SAMSN1: variants seen among roughly 807,000 people sequenced by gnomAD.
SAMSN1 encodes the protein SAM domain-containing protein SAMSN-1.
Under a neutral mutation model 42.0 loss-of-function variants are expected in SAMSN1, and 31 were observed. The observed-to-expected ratio is 0.74, with a 90% CI of 0.55 to 1.00. The LOEUF (loss-of-function observed/expected upper bound fraction) is 1.00, where lower values mean the gene tolerates loss of function less well. Among genes scored for constraint, SAMSN1 ranks in the 50% least tolerant of loss-of-function variants. The pLI is 0.00. For synonymous variants in SAMSN1, 178 were observed against 151.9 expected, an observed-to-expected ratio of 1.17 and a Z score of -1.26; for missense variants, 464 against 439.4, an observed-to-expected ratio of 1.06 and a Z score of -0.50.
At chr21:14,545,857 C>T (rs901757951) in intron 1 of SAMSN1, among the ~76,000 whole-genome samples, 6 of 152,214 alleles carry the variant, frequency 3.9e-5, no homozygotes, top group African/African-American at 1.2e-4. Flanking sequence ...GTTCAATAGA[C>T]GTTGACAATC....
intron 1 of SAMSN1, among the ~76,000 whole-genome samples, chr21:14,647,782 C>T (rs1404578213): frequency 1.3e-3 from 178 of 135,416 alleles, no homozygotes; most frequent in African/African-American, 4.3e-3. Context: ...ATTTGGCTCT[C>T]TGTTTGTCTG....
At chr21:14,496,923 A>T (rs947064908) in intron 7 of SAMSN1, among the ~76,000 whole-genome samples, 1 of 152,236 alleles carries the variant, frequency 6.6e-6, no homozygotes, top group Non-Finnish European at 1.5e-5. Context: ...AAGCCAGTGT[A>T]TAGGAAACGT....
intron 2 of SAMSN1, among the ~76,000 whole-genome samples, chr21:14,555,770 A>G (rs911652601): frequency 2.0e-5 from 3 of 152,232 alleles, no homozygotes; most frequent in Non-Finnish European, 4.4e-5. Context: ...TTTTAAACTT[A>G]GAATATTATT....
At chr21:14,555,638 T>A (rs1034407817) in intron 2 of SAMSN1, among the ~76,000 whole-genome samples, 14 of 152,172 alleles carry the variant, frequency 9.2e-5, no homozygotes, top group African/African-American at 3.4e-4. Context: ...CTCTCCACAT[T>A]TTCATATTCT....
At chr21:14,523,326 T>C (rs1202406710) in intron 1 of SAMSN1, 2 of 152,234 alleles carry the variant, frequency 1.3e-5, no homozygotes, top group Admixed American at 6.5e-5. Flanking sequence ...GCCCCAAGGA[T>C]GATAGCTGTG....
chr21:14,635,612 T>G (rs1215639369), intron 2 of SAMSN1, among the ~76,000 whole-genome samples: 2 of 152,184 alleles, frequency 1.3e-5, no homozygotes, highest in African/African-American at 2.4e-5. Context: ...GATTGCAAAT[T>G]ATTTTAAGCA....
intron 1 of SAMSN1, among the ~76,000 whole-genome samples, chr21:14,655,006 A>G (rs1215708183): frequency 6.6e-6 from 1 of 152,012 alleles, no homozygotes; most frequent in Non-Finnish European, 1.5e-5. Context: ...TGAAATTAAA[A>G]TCATAAAACA....
intron 4 of SAMSN1, among the ~76,000 whole-genome samples, chr21:14,511,835 T>G (rs1281005984): frequency 6.6e-6 from 1 of 152,220 alleles, no homozygotes; most frequent in Non-Finnish European, 1.5e-5. Flanking sequence ...TTTGGATCCC[T>G]TTTTGCCACC....
At chr21:14,517,906 C>T (rs538711810) in intron 2 of SAMSN1, among the ~76,000 whole-genome samples, 4 of 152,200 alleles carry the variant, frequency 2.6e-5, no homozygotes, top group South Asian at 2.1e-4. Context: ...AAGTCTCCCT[C>T]GCTCACTAGA....
intron 3 of SAMSN1, among the ~76,000 whole-genome samples, chr21:14,514,920 G>C (rs373715010): frequency 6.6e-6 from 1 of 152,102 alleles, no homozygotes; most frequent in East Asian, 1.9e-4. Context: ...AAAATCATGA[G>C]AGTAGATGAG....
chr21:14,590,096 C>T (rs1302908940), intron 7 of SAMSN1, among the ~76,000 whole-genome samples: 2 of 152,024 alleles, frequency 1.3e-5, no homozygotes, highest in Non-Finnish European at 1.5e-5. Flanking sequence ...ATGCATAGGG[C>T]TTAGAAATTT....
At chr21:14,550,318 C>T (rs966472181), upstream of SAMSN1, among the ~76,000 whole-genome samples, 1 of 152,118 alleles carries the variant, frequency 6.6e-6, no homozygotes, top group African/African-American at 2.4e-5. Flanking sequence ...CAGCCCTACC[C>T]AGCTCTTGAA....
At chr21:14,583,570 A>G, upstream of SAMSN1, 1 of 659,664 alleles carries the variant, frequency 1.5e-6, no homozygotes, top group Non-Finnish European at 2.8e-6. Flanking sequence ...TTAAGACTTT[A>G]TCAAAATGGG....
At position 14,524,274 on chromosome 21, in the gene SAMSN1, T is replaced by C. The variant is rs76961776; in HGVS notation, c.58-3053A>G. 6.9e-3 allele frequency among the ~76,000 whole-genome samples: 1,048 copies of C among 152,294 alleles called. 9 individuals are homozygous for C. Among genetic ancestry groups the C allele is most frequent in the African/African-American group, 0.024 (982 of 41,584 alleles). On this transcript the variant is annotated intron_variant, in intron 1 of 7. Transcript: ENST00000400566. ...CTTAATAAATGAGAATGTGTTTGAA[T>C]ATTGATAATGTTGTTTATATAATTG...
chr21:14,654,002 C>G (rs2123400082), intron 1 of SAMSN1, among the ~76,000 whole-genome samples: 1 of 151,740 alleles, frequency 6.6e-6, no homozygotes, highest in East Asian at 1.9e-4. Flanking sequence ...TCATTTTTAT[C>G]CTTGTATGAA....
intron 2 of SAMSN1, among the ~76,000 whole-genome samples, chr21:14,641,192 A>G (rs1983590475): frequency 6.6e-6 from 1 of 152,160 alleles, no homozygotes; most frequent in Non-Finnish European, 1.5e-5. Flanking sequence ...ATGCATATCT[A>G]GCAACACCAA....
At chr21:14,520,111 C>T (rs1358000223) in intron 2 of SAMSN1, among the ~76,000 whole-genome samples, 3 of 152,142 alleles carry the variant, frequency 2.0e-5, no homozygotes, top group Non-Finnish European at 4.4e-5. Context: ...CTTATTTCAT[C>T]GTGAGTGCTC....
intron 1 of SAMSN1, among the ~76,000 whole-genome samples, chr21:14,538,743 A>G (rs1389408355): frequency 1.3e-5 from 2 of 152,312 alleles, no homozygotes; most frequent in Middle Eastern, 3.4e-3. Context: ...CATCATTGCT[A>G]GGATCAAATG....
chr21:14,606,218 G>A (rs2123312423), intron 5 of SAMSN1, among the ~76,000 whole-genome samples: 1 of 152,246 alleles, frequency 6.6e-6, no homozygotes, highest in South Asian at 2.1e-4. Context: ...ATTGTTTTCT[G>A]ACTTTGTCTG....
Sources: gnomAD v4.1 joint callset for allele counts (sites outside exome capture counted in the v4.1 genomes callset) on GRCh38, gnomAD v4.1.1 for gene constraint, MANE v1.5 for transcripts, NCBI Gene and HGNC (gene_info 2026-07-23, HGNC 2026-07-21) for gene names.